Variants in TUT7 observed in about 807,000 individuals in gnomAD.
TUT7 encodes the protein terminal uridylyl transferase 7.
A neutral mutation model predicts 165.9 loss-of-function variants in TUT7; 33 were observed. The observed-to-expected ratio is 0.20, with a 90% CI of 0.15 to 0.27. The LOEUF (loss-of-function observed/expected upper bound fraction) is 0.27. Among genes scored for constraint, TUT7 ranks in the 10% least tolerant of loss-of-function variants. The pLI is 1.00. For synonymous variants in TUT7, 552 were observed against 608.1 expected (o/e 0.91, Z 1.36); for missense variants, 1,338 against 1,762.3 (o/e 0.76, Z 4.31).
chr9:86,312,672 C>T (rs1015209250), intron 17 of TUT7, among the ~76,000 whole-genome samples: 2 of 152,196 alleles, frequency 1.3e-5, no homozygotes, highest in South Asian at 4.2e-4. Context: ...GAATAGAAAG[C>T]GGGGAAAGGT....
At chr9:86,343,998 T>C (rs1225790395) in intron 5 of TUT7, among the ~76,000 whole-genome samples, 1 of 152,222 alleles carries the variant, frequency 6.6e-6, no homozygotes, top group Non-Finnish European at 1.5e-5. Flanking sequence ...ACAGTAAAAA[T>C]CATCAGAATT....
At position 86,345,879 on chromosome 9, in the gene TUT7, T is replaced by C. The variant is rs943722850; in HGVS notation, c.703-94A>G. Reference sequence around the variant, plus strand: ...GCCAGGAAATGATTTCCCCTTCAATTTCTTTTCTCTAAAGAGACAGGAGTC... The same window carrying C: ...GCCAGGAAATGATTTCCCCTTCAATCTCTTTTCTCTAAAGAGACAGGAGTC... On this transcript the variant is annotated intron_variant, in intron 3 of 26. Coordinates refer to ENST00000375963, the MANE Select transcript of TUT7 (RefSeq NM_024617.4). The C allele has an allele frequency of 4.3e-6, 4 of 928,044 alleles. No homozygotes were observed. In the African/African-American group the frequency reaches 6.6e-5, roughly 15 times the overall value. 57.5% of individuals were successfully genotyped at this position (928,044 alleles called of 1,614,324 possible).
At chr9:86,325,246 G>T in intron 12 of TUT7, 88 bp downstream of exon 12, 1 of 1,327,744 alleles carries the variant, frequency 7.5e-7, no homozygotes, top group Non-Finnish European at 1.1e-6. Flanking sequence ...TGTAGGAGCT[G>T]AAAAGAGACT....
At chr9:86,294,021 T>C (rs549744770) in intron 26 of TUT7, among the ~76,000 whole-genome samples, 5 of 152,180 alleles carry the variant, frequency 3.3e-5, no homozygotes, top group South Asian at 2.1e-4. Context: ...ACTAGGATTA[T>C]AGGCGTGAGC....
intron 16 of TUT7, among the ~76,000 whole-genome samples, chr9:86,317,609 G>A (rs570134418): frequency 6.0e-4 from 92 of 152,246 alleles, no homozygotes; most frequent in Admixed American, 1.8e-3. Flanking sequence ...TCACTCGGAT[G>A]TACCCCATGT....
Position 86,328,368 on chromosome 9 carries a change from G to A in TUT7, c.1580C>T (p.Pro527Leu), listed in dbSNP as rs373205612. Reference protein sequence around the residue: ...GDTGITKEEAPRETPIKRGQV... With the variant: ...GDTGITKEEALRETPIKRGQV... ...TCCCCTTTTAATCGGCGTTTCTCTT[G>A]GTGCCTCTTCTTTTGTTATGCCTGT... Residue 527 changes from proline to leucine, a missense_variant, in exon 11 of 27, where the codon CCA (proline) becomes CTA (leucine). Pro to Leu is a moderately conservative substitution (Grantham distance 98, BLOSUM62 -3). This residue lies in a region of TUT7 where 53 missense variants were observed against 46.3 expected (regional missense o/e 1.15). Transcript: ENST00000375963. The A allele has an allele frequency of 2.5e-6, 4 of 1,603,834 alleles. No individual in the cohort carries two copies. Among genetic ancestry groups the A allele is most frequent in the Non-Finnish European group, 3.4e-6 (4 of 1,175,584 alleles).
chr9:86,294,757 ATATTT>A (rs927033279), intron 26 of TUT7, among the ~76,000 whole-genome samples: 83 of 151,128 alleles, frequency 5.5e-4, no homozygotes, highest in African/African-American at 1.9e-3. Flanking sequence ...TATTATTATT[ATATTT>A]TAAGTTTTAG....
At chr9:86,318,640 C>T (rs1008064770) in intron 16 of TUT7, among the ~76,000 whole-genome samples, 2 of 152,146 alleles carry the variant, frequency 1.3e-5, no homozygotes, top group Admixed American at 1.3e-4. Flanking sequence ...TACAGGTAAC[C>T]TTATGTGAGT....
intron 22 of TUT7, 48 bp downstream of exon 22, chr9:86,308,380 AG>A (rs1212442251): frequency 6.6e-7 from 1 of 1,506,248 alleles, no homozygotes; most frequent in Non-Finnish European, 9.0e-7. Context: ...ATGTCCTTAT[AG>A]TTCAAGCTCT....
At chr9:86,312,798 G>A (rs1431913817) in intron 17 of TUT7, among the ~76,000 whole-genome samples, 1 of 152,178 alleles carries the variant, frequency 6.6e-6, no homozygotes, top group Non-Finnish European at 1.5e-5. Flanking sequence ...GGATCCTGTT[G>A]ATCTGTGACC....
intron 24 of TUT7, among the ~76,000 whole-genome samples, chr9:86,304,277 A>T (rs1490677033): frequency 6.6e-6 from 1 of 152,228 alleles, no homozygotes; most frequent in African/African-American, 2.4e-5. Context: ...GCAGAAGAAC[A>T]TAATATTATT....
chr9:86,310,288 T>C (rs1286229266), intron 18 of TUT7, among the ~76,000 whole-genome samples: 3 of 152,180 alleles, frequency 2.0e-5, no homozygotes, highest in Admixed American at 1.3e-4. Context: ...GAAGAAGACA[T>C]TTCAACTGAA....
intron 16 of TUT7, 50 bp from the exon 17 acceptor site, chr9:86,317,326 C>A: frequency 7.0e-7 from 1 of 1,426,492 alleles, no homozygotes; most frequent in Non-Finnish European, 9.8e-7. Flanking sequence ...AAGACAGGTT[C>A]TGAAACTGGC....
At chr9:86,333,634 C>T (rs1389663653) in intron 10 of TUT7, among the ~76,000 whole-genome samples, 1 of 152,130 alleles carries the variant, frequency 6.6e-6, no homozygotes, top group Non-Finnish European at 1.5e-5. Context: ...TCCATTTTTT[C>T]CATTACAGCT....
chr9:86,331,016 G>GACT (rs1398748648), intron 10 of TUT7, among the ~76,000 whole-genome samples: 1 of 151,928 alleles, frequency 6.6e-6, no homozygotes, highest in South Asian at 2.1e-4. Flanking sequence ...GAGTAGCTGG[G>GACT]ACTAGGGTGT....
At position 86,288,755 on chromosome 9, in the gene TUT7, G is replaced by A. The variant is rs770348054; in HGVS notation, c.4421-11C>T. On this transcript the variant is annotated splice_polypyrimidine_tract_variant and intron_variant, in intron 26 of 26. Coordinates refer to ENST00000375963, the MANE Select transcript of TUT7 (RefSeq NM_024617.4). ...TACTGGAAAGGCTACCTAGAGGAGG[G>A]GAAGAAACAAAACCCAATATAAATG... 42 of 1,606,704 alleles carry A rather than the reference G, an allele frequency of 2.6e-5. No individual in the cohort carries two copies. The highest frequency in any genetic ancestry group is 1.7e-5 in the Non-Finnish European group (20 of 1,175,102).
chr9:86,348,756 A>C (rs1039144869), intron 2 of TUT7, among the ~76,000 whole-genome samples: 2 of 152,034 alleles, frequency 1.3e-5, no homozygotes, highest in African/African-American at 4.8e-5. Context: ...TGTCTAAAAA[A>C]CAAACAAACA....
intron 26 of TUT7, among the ~76,000 whole-genome samples, chr9:86,296,943 T>G (rs1016537117): frequency 2.6e-5 from 4 of 152,276 alleles, no homozygotes; most frequent in African/African-American, 9.6e-5. Context: ...TCTGATTTAT[T>G]GGATAGGATC....
intron 17 of TUT7, among the ~76,000 whole-genome samples, chr9:86,316,222 T>C (rs1402156927): frequency 6.6e-6 from 1 of 152,200 alleles, no homozygotes; most frequent in Non-Finnish European, 1.5e-5. Flanking sequence ...GCATTTCAAT[T>C]CTGTGCATGG....
Sources: gnomAD v4.1 joint callset for allele counts (sites outside exome capture counted in the v4.1 genomes callset) on GRCh38, gnomAD v4.1.1 for gene constraint, gnomAD v4.1.1 regional missense constraint, MANE v1.5 for transcripts, NCBI Gene and HGNC (gene_info 2026-07-23, HGNC 2026-07-21) for gene names.